UNC5C: variants seen among roughly 807,000 people sequenced by gnomAD.
UNC5C encodes unc-5 netrin receptor C.
UNC5C carries 47 observed loss-of-function variants against 99.8 expected under a neutral mutation model. The observed-to-expected ratio is 0.47, with a 90% CI of 0.37 to 0.60. UNC5C has a LOEUF of 0.60. Ranked by LOEUF, UNC5C falls within the 20% of genes least tolerant of loss-of-function variation. The pLI is 0.00. For missense variants in UNC5C, 1,062 were observed against 1,165.9 expected (o/e 0.91, Z 1.30); for synonymous variants, 487 against 452.2 (o/e 1.08, Z -0.98).
At chr4:95,169,512 G>A (rs1736002358) in intron 15 of UNC5C, 113 bp from the exon 16 acceptor site, 1 of 1,221,966 alleles carries the variant, frequency 8.2e-7, no homozygotes, top group Non-Finnish European at 1.1e-6. Flanking sequence ...TCCCATTGTG[G>A]CTGACAGTGA....
At chr4:95,207,600 T>C (rs1282994979) in intron 10 of UNC5C, among the ~76,000 whole-genome samples, 1 of 152,178 alleles carries the variant, frequency 6.6e-6, no homozygotes, top group African/African-American at 2.4e-5. Flanking sequence ...TAAGTGCTAG[T>C]TAGTGCTGAG....
intron 1 of UNC5C, among the ~76,000 whole-genome samples, chr4:95,354,479 A>ATATATATATATATATATATTTTT: frequency 1.6e-4 from 18 of 110,336 alleles, no homozygotes; most frequent in South Asian, 5.9e-4. Context: ...ATATATATAT[A>ATATATATATATATATATATTTTT]TTTTTTTTTT....
chr4:95,301,574 A>T (rs1278418099), intron 3 of UNC5C, 32 bp downstream of exon 3: 1 of 1,612,842 alleles, frequency 6.2e-7, no homozygotes, highest in African/African-American at 1.3e-5. Context: ...TCAACTTCTG[A>T]GACCCAAGGT....
intron 1 of UNC5C, among the ~76,000 whole-genome samples, chr4:95,464,689 G>T (rs2149472261): frequency 6.6e-6 from 1 of 152,184 alleles, no homozygotes; most frequent in African/African-American, 2.4e-5. Context: ...TGGCTTTTGA[G>T]AATTATTTGT....
chr4:95,304,762 T>G (rs1045461258), intron 2 of UNC5C, among the ~76,000 whole-genome samples: 7 of 152,182 alleles, frequency 4.6e-5, no homozygotes, highest in Non-Finnish European at 1.0e-4. Flanking sequence ...TAATGGTTCT[T>G]TATACGATGC....
At chr4:95,419,567 A>C (rs768853212) in intron 1 of UNC5C, among the ~76,000 whole-genome samples, 2 of 152,204 alleles carry the variant, frequency 1.3e-5, no homozygotes, top group Admixed American at 1.3e-4. Context: ...GCTGGCTGCC[A>C]GCAAAGGATT....
At chr4:95,295,441 A>C (rs1741638928) in intron 3 of UNC5C, among the ~76,000 whole-genome samples, 1 of 152,096 alleles carries the variant, frequency 6.6e-6, no homozygotes. Flanking sequence ...TCATATTTCC[A>C]TTTTTTCCTC....
chr4:95,429,187 G>A (rs939244446), intron 1 of UNC5C, among the ~76,000 whole-genome samples: 5 of 151,176 alleles, frequency 3.3e-5, no homozygotes, highest in African/African-American at 1.2e-4. Context: ...TAGATGACAT[G>A]TCTGAAACTG....
At chr4:95,457,332 C>T (rs1747467855) in intron 1 of UNC5C, among the ~76,000 whole-genome samples, 1 of 151,982 alleles carries the variant, frequency 6.6e-6, no homozygotes, top group African/African-American at 2.4e-5. Flanking sequence ...GTGTTTTACA[C>T]CATATTAAAA....
intron 1 of UNC5C, among the ~76,000 whole-genome samples, chr4:95,360,759 C>T (rs1194117674): frequency 6.6e-6 from 1 of 152,076 alleles, no homozygotes; most frequent in South Asian, 2.1e-4. Flanking sequence ...TTTCTTTGAA[C>T]GGTATCCATT....
intron 1 of UNC5C, among the ~76,000 whole-genome samples, chr4:95,356,056 G>A (rs776322710): frequency 7.7e-4 from 117 of 151,770 alleles, no homozygotes; most frequent in Non-Finnish European, 1.3e-3. Context: ...TGGGTGTGGT[G>A]GCACCCACCT....
At chr4:95,441,032 C>T (rs17023881) in intron 1 of UNC5C, among the ~76,000 whole-genome samples, 15,871 of 150,772 alleles carry the variant, frequency 0.11, 1,228 homozygotes, top group African/African-American at 0.21. Context: ...GAAATAAAAA[C>T]GAAACTGGAC....
chr4:95,212,161 T>A (rs185135970), intron 10 of UNC5C, among the ~76,000 whole-genome samples: 2 of 152,302 alleles, frequency 1.3e-5, no homozygotes, highest in African/African-American at 4.8e-5. Context: ...TTAATAGATG[T>A]ATATGATAGT....
At chr4:95,539,812 A>T (rs1722869846) in intron 1 of UNC5C, among the ~76,000 whole-genome samples, 1 of 152,108 alleles carries the variant, frequency 6.6e-6, no homozygotes, top group South Asian at 2.1e-4. Flanking sequence ...AAAAAATGGC[A>T]TGTGTATCTT....
At chr4:95,470,348 G>A (rs1424252660) in intron 1 of UNC5C, among the ~76,000 whole-genome samples, 10 of 152,030 alleles carry the variant, frequency 6.6e-5, no homozygotes, top group Admixed American at 5.9e-4. Flanking sequence ...TTGTTCAAGG[G>A]TCAAATGTAT....
At chr4:95,513,471 T>C (rs1383000247) in intron 1 of UNC5C, among the ~76,000 whole-genome samples, 1 of 152,212 alleles carries the variant, frequency 6.6e-6, no homozygotes, top group Non-Finnish European at 1.5e-5. Context: ...TTATTAAGTA[T>C]GACCTCTACT....
intron 1 of UNC5C, among the ~76,000 whole-genome samples, chr4:95,420,661 A>C (rs1746293052): frequency 1.3e-5 from 2 of 152,144 alleles, no homozygotes; most frequent in Non-Finnish European, 2.9e-5. Context: ...TCAACGAAAA[A>C]CTGGTTTCAA....
At chr4:95,231,412 A>G (rs1034398182) in intron 7 of UNC5C, among the ~76,000 whole-genome samples, 12 of 152,180 alleles carry the variant, frequency 7.9e-5, no homozygotes, top group African/African-American at 2.9e-4. Context: ...AGCATTAAAC[A>G]TATTCTAAAA....
intron 15 of UNC5C, among the ~76,000 whole-genome samples, chr4:95,169,844 T>C (rs1736017446): frequency 6.6e-6 from 1 of 152,174 alleles, no homozygotes; most frequent in Admixed American, 6.5e-5. Context: ...CCTGCTCAAC[T>C]GCAGAGGAGG....
Sources: allele counts gnomAD v4.1 joint callset (sites outside exome capture counted in the v4.1 genomes callset), GRCh38; gene constraint gnomAD v4.1.1; transcripts MANE v1.5; gene names NCBI Gene and HGNC (gene_info 2026-07-23, HGNC 2026-07-21).